The following NR1H4 variants were observed in gnomAD, a reference collection of about 807,000 sequenced individuals.
NR1H4 encodes nuclear receptor subfamily 1 group H member 4.
A neutral mutation model predicts 58.5 loss-of-function variants in NR1H4; 23 were observed. That is an observed-to-expected ratio of 0.39 (90% confidence interval 0.28 to 0.56). The LOEUF (loss-of-function observed/expected upper bound fraction) is 0.56, where lower values mean the gene tolerates loss of function less well. NR1H4 is among the 20% of genes least tolerant of loss of function. The pLI is 0.58. For synonymous variants in NR1H4, 214 were observed against 198.0 expected (o/e 1.08, Z -0.68); for missense variants, 487 against 576.9 (o/e 0.84, Z 1.60).
intron 9 of NR1H4, among the ~76,000 whole-genome samples, chr12:100,545,286 G>A (rs908566922): frequency 6.6e-6 from 1 of 151,908 alleles, no homozygotes; most frequent in Non-Finnish European, 1.5e-5. Flanking sequence ...GCTAAAAGGG[G>A]AAAAATAGTC....
chr12:100,511,024 C>G lies in NR1H4; in HGVS notation c.326C>G (p.Thr109Arg), dbSNP rs1175433932. 1 of 1,614,234 alleles carries G rather than the reference C, an allele frequency of 6.2e-7. No homozygotes were observed. The highest frequency in any genetic ancestry group is 8.5e-7 in the Non-Finnish European group (1 of 1,180,048). Residue 109 changes from threonine to arginine, a missense_variant, in exon 4 of 11, where the codon ACA becomes AGA. By Grantham distance (71) the Thr-to-Arg change is moderately conservative (BLOSUM62 -1). Transcript: ENST00000392986. ...GETEVAEMPVTKKPRMGASAG... is the reference protein window; with the variant it reads ...GETEVAEMPVRKKPRMGASAG... ...ACTGAGGTAGCAGAGATGCCTGTAA[C>G]AAAGAAGCCCCGCATGGGCGCGTCA...
intron 1 of NR1H4, among the ~76,000 whole-genome samples, chr12:100,480,446 G>A (rs1306367604): frequency 1.3e-5 from 2 of 152,160 alleles, no homozygotes; most frequent in East Asian, 1.9e-4. Flanking sequence ...AGATCTATAA[G>A]TTTAGAAACA....
intron 1 of NR1H4, among the ~76,000 whole-genome samples, chr12:100,479,176 A>G (rs995187721): frequency 1.3e-5 from 2 of 151,992 alleles, no homozygotes; most frequent in African/African-American, 2.4e-5. Flanking sequence ...CCATTTTTAT[A>G]TATTTAGCTT....
Position 100,559,438 on chromosome 12 carries a change from C to T in NR1H4, c.1079-2447C>T, listed in dbSNP as rs193209822. On this transcript the variant is annotated intron_variant, in intron 9 of 10. Coordinates refer to ENST00000392986, the MANE Select transcript of NR1H4 (RefSeq NM_001206979.2). ...CAGCGCTTGCAGGCCAGCTGGAATT[C>T]CGGGTGGGCGTGGGCTTGGCGGGCC... Among the ~76,000 whole-genome samples, 1,369 of 152,316 alleles carry T rather than the reference C, an allele frequency of 9.0e-3. 8 individuals carry two copies. Among genetic ancestry groups the T allele is most frequent in the Admixed American group, 0.015 (224 of 15,312 alleles).
rs140173697 is a variant in NR1H4 at position 100,528,813 on chromosome 12, T to C, written c.446-3645T>C. ...GTCAAAAAACCCTGCAGAATGGTTC[T>C]ACGCACTGTTCCTTTGACTCATCTT... On this transcript the variant is annotated intron_variant, in intron 4 of 10. Transcript: ENST00000392986. 3.7e-3 allele frequency among the ~76,000 whole-genome samples: 561 copies of C among 152,358 alleles called. 3 individuals are homozygous for C. The highest frequency in any genetic ancestry group is 0.013 in the African/African-American group (529 of 41,576).
chr12:100,551,424 G>C (rs946963399), intron 9 of NR1H4, among the ~76,000 whole-genome samples: 1 of 152,188 alleles, frequency 6.6e-6, no homozygotes, highest in African/African-American at 2.4e-5. Flanking sequence ...TATCAGTTCA[G>C]ATACTGTCTT....
intron 3 of NR1H4, among the ~76,000 whole-genome samples, chr12:100,497,561 G>T (rs1417929097): frequency 6.6e-6 from 1 of 152,156 alleles, no homozygotes; most frequent in African/African-American, 2.4e-5. Flanking sequence ...AATCCAGACG[G>T]AAATCTAGCC....
intron 4 of NR1H4, among the ~76,000 whole-genome samples, chr12:100,516,859 T>G (rs1954280365): frequency 6.6e-6 from 1 of 152,218 alleles, no homozygotes; most frequent in South Asian, 2.1e-4. Flanking sequence ...AGTAATACAC[T>G]TATTAATTCT....
chr12:100,516,920 A>C (rs1449200631), intron 4 of NR1H4, among the ~76,000 whole-genome samples: 1 of 152,204 alleles, frequency 6.6e-6, no homozygotes, highest in Non-Finnish European at 1.5e-5. Flanking sequence ...GATTGACATA[A>C]TAATTGTACA....
At chr12:100,552,350 A>G (rs1955221828) in intron 9 of NR1H4, among the ~76,000 whole-genome samples, 1 of 152,146 alleles carries the variant, frequency 6.6e-6, no homozygotes, top group Non-Finnish European at 1.5e-5. Context: ...TTGAATTGCT[A>G]GTTTGATGGC....
At chr12:100,496,382 A>G (rs1953714989) in intron 3 of NR1H4, among the ~76,000 whole-genome samples, 1 of 152,180 alleles carries the variant, frequency 6.6e-6, no homozygotes, top group Non-Finnish European at 1.5e-5. Context: ...GGAGTCCACA[A>G]TTGAGCACAG....
In NR1H4 at chr12:100,536,541, G is replaced by A. The variant is rs1474406579; in HGVS notation, c.762G>A (p.Gln254=). The change falls in exon 7 of 11, where the codon CAG becomes CAA. Residue 254 remains glutamine, a synonymous_variant. Transcript: ENST00000392986. ...REKTELTPDQ[Q]TLLHFIMDSY... The stretch of plus-strand genomic sequence containing the variant: ...AAACTGAACTCACCCCAGATCAACA[G>A]ACTCTTCTACATTTTATTATGGATT... The A allele has an allele frequency of 6.2e-7, 1 of 1,610,096 alleles. No homozygotes were observed. The highest frequency in any genetic ancestry group is 1.3e-5 in the African/African-American group (1 of 74,794).
At chr12:100,493,438 C>T (rs1481955229) in intron 3 of NR1H4, 36 bp downstream of exon 3, 1 of 1,021,890 alleles carries the variant, frequency 9.8e-7, no homozygotes, top group South Asian at 1.3e-5. Flanking sequence ...TCAATAAGAA[C>T]AAACTACGAT....
At chr12:100,523,194 C>G (rs560572083) in intron 4 of NR1H4, among the ~76,000 whole-genome samples, 2 of 152,286 alleles carry the variant, frequency 1.3e-5, no homozygotes, top group East Asian at 1.9e-4. Flanking sequence ...ATTCCCCTTT[C>G]ACTACATCCA....
At chr12:100,560,847 G>A (rs949401064) in intron 9 of NR1H4, among the ~76,000 whole-genome samples, 1 of 152,188 alleles carries the variant, frequency 6.6e-6, no homozygotes. Context: ...GGGAGCACCA[G>A]GTGAGAGTGA....
chr12:100,483,878 G>A (rs1953433517), intron 1 of NR1H4, among the ~76,000 whole-genome samples: 1 of 151,662 alleles, frequency 6.6e-6, no homozygotes, highest in South Asian at 2.1e-4. Context: ...CAACTACTCG[G>A]GAGGCTGAGG....
Position 100,540,809 on chromosome 12 carries a change from C to T in NR1H4, c.1069C>T (p.Arg357Ter), listed in dbSNP as rs750222671. The part of the protein sequence containing the change: ...GHSDLLEERI[R>*]NSGISDEYIT... ...TTCTGACCTATTGGAAGAAAGAATT[C>T]GAAATAGTGGTAAGTGATTTGGCTA... Residue 357 changes from arginine (R) to a stop codon, truncating the protein, a stop_gained, in exon 9 of 11, where the codon CGA becomes TGA. Coordinates refer to ENST00000392986, the MANE Select transcript of NR1H4 (RefSeq NM_001206979.2). LOFTEE classifies it high-confidence loss of function. 2 of 1,614,006 alleles carry T rather than the reference C, an allele frequency of 1.2e-6. No individual in the cohort carries two copies. Among genetic ancestry groups the T allele is most frequent in the East Asian group, 2.2e-5 (1 of 44,872 alleles).
chr12:100,519,157 C>T (rs1406271439), intron 4 of NR1H4, among the ~76,000 whole-genome samples: 3 of 152,096 alleles, frequency 2.0e-5, no homozygotes, highest in Non-Finnish European at 2.9e-5. Context: ...GCACAAGATT[C>T]AACTCACAGC....
chr12:100,560,575 C>T (rs993316598), intron 9 of NR1H4, among the ~76,000 whole-genome samples: 17 of 152,148 alleles, frequency 1.1e-4, no homozygotes, highest in Non-Finnish European at 2.1e-4. Context: ...GAAGAAACTC[C>T]GAACACATCT....
Sources: gnomAD v4.1 joint callset for allele counts (sites outside exome capture counted in the v4.1 genomes callset) on GRCh38, gnomAD v4.1.1 for gene constraint, MANE v1.5 for transcripts, NCBI Gene and HGNC (gene_info 2026-07-23, HGNC 2026-07-21) for gene names.